NR2F1-AS1: variants seen among roughly 807,000 people sequenced by gnomAD.
NR2F1-AS1 encodes the protein NR2F1 regulatory antisense RNA 1, also known as NR2F1 antisense RNA 1.
intron 4 of NR2F1-AS1, among the ~76,000 whole-genome samples, chr5:93,512,951 A>G (rs760702577): frequency 1.7e-4 from 26 of 152,186 alleles, no homozygotes; most frequent in Non-Finnish European, 2.4e-4. Flanking sequence ...CCCATCTTTG[A>G]GCAACACATG....
chr5:93,566,753 T>C (rs528815487), intron 1 of NR2F1-AS1, among the ~76,000 whole-genome samples: 3 of 152,112 alleles, frequency 2.0e-5, no homozygotes, highest in African/African-American at 7.2e-5. Context: ...TAACATATTG[T>C]AAGGAAATAA....
intron 4 of NR2F1-AS1, among the ~76,000 whole-genome samples, chr5:93,456,214 C>G (rs1443927535): frequency 6.6e-6 from 1 of 152,084 alleles, no homozygotes; most frequent in East Asian, 1.9e-4. Flanking sequence ...AAACAACAAC[C>G]TACCAAACTA....
At chr5:93,494,038 A>G (rs1024993018) in intron 4 of NR2F1-AS1, among the ~76,000 whole-genome samples, 3 of 152,188 alleles carry the variant, frequency 2.0e-5, no homozygotes, top group African/African-American at 7.2e-5. Flanking sequence ...AAAGGATATT[A>G]CAGAATGGGA....
chr5:93,444,910 T>C (rs1402611714), intron 4 of NR2F1-AS1, among the ~76,000 whole-genome samples: 2 of 152,102 alleles, frequency 1.3e-5, no homozygotes. Flanking sequence ...TCAAAACTGC[T>C]CAACTACATG....
chr5:93,530,395 T>A (rs1393531248), intron 4 of NR2F1-AS1, among the ~76,000 whole-genome samples: 1 of 152,186 alleles, frequency 6.6e-6, no homozygotes, highest in Non-Finnish European at 1.5e-5. Context: ...ATTCTAGCCA[T>A]GGCTCTTAAG....
At chr5:93,571,112 G>C (rs1391142429) in intron 1 of NR2F1-AS1, 1 of 152,212 alleles carries the variant, frequency 6.6e-6, no homozygotes, top group African/African-American at 2.4e-5. Flanking sequence ...ACCGAGGGCC[G>C]CGCTGATCTC....
intron 1 of NR2F1-AS1, among the ~76,000 whole-genome samples, chr5:93,572,436 C>G (rs1752792831): frequency 6.6e-6 from 1 of 152,232 alleles, no homozygotes; most frequent in African/African-American, 2.4e-5. Flanking sequence ...AGCGACATGC[C>G]CCCGGCTCCG....
intron 4 of NR2F1-AS1, among the ~76,000 whole-genome samples, chr5:93,551,215 A>C (rs1752220602): frequency 6.6e-6 from 1 of 152,022 alleles, no homozygotes; most frequent in Admixed American, 6.6e-5. Flanking sequence ...TCCCCATTTT[A>C]TTTGAATTAT....
chr5:93,455,328 G>A (rs1204948943), intron 4 of NR2F1-AS1, among the ~76,000 whole-genome samples: 1 of 152,160 alleles, frequency 6.6e-6, no homozygotes, highest in East Asian at 1.9e-4. Flanking sequence ...AAAGTTGTAT[G>A]ATATTATGTA....
intron 4 of NR2F1-AS1, among the ~76,000 whole-genome samples, chr5:93,448,293 A>C (rs2149856199): frequency 6.6e-6 from 1 of 152,320 alleles, no homozygotes; most frequent in South Asian, 2.1e-4. Context: ...AAACCCAATA[A>C]GCTTTCCTGC....
chr5:93,430,019 T>C (rs1366851303), intron 4 of NR2F1-AS1, among the ~76,000 whole-genome samples: 2 of 152,260 alleles, frequency 1.3e-5, no homozygotes, highest in South Asian at 2.1e-4. Flanking sequence ...CTTTTCTGTT[T>C]TGACAATCTA....
chr5:93,550,873 CTT>C (rs1752211114), intron 4 of NR2F1-AS1, among the ~76,000 whole-genome samples: 1 of 151,916 alleles, frequency 6.6e-6, no homozygotes, highest in African/African-American at 2.4e-5. Context: ...TCATAATTCA[CTT>C]TGATAATGTC....
chr5:93,559,420 A>G (rs1446554609), intron 2 of NR2F1-AS1, among the ~76,000 whole-genome samples: 3 of 152,148 alleles, frequency 2.0e-5, no homozygotes, highest in African/African-American at 7.2e-5. Flanking sequence ...CAATTTCTCT[A>G]CAATAAGACT....
chr5:93,416,612 C>G (rs1228166013), intron 4 of NR2F1-AS1, among the ~76,000 whole-genome samples: 1 of 152,126 alleles, frequency 6.6e-6, no homozygotes, highest in Non-Finnish European at 1.5e-5. Flanking sequence ...ATTTAGTCCT[C>G]AAAACAGTCC....
chr5:93,471,312 C>G (rs1443617746), intron 4 of NR2F1-AS1, among the ~76,000 whole-genome samples: 3 of 151,852 alleles, frequency 2.0e-5, no homozygotes, highest in Non-Finnish European at 4.4e-5. Context: ...AATGTTCATT[C>G]TCTCTGACCA....
rs557113549 is a variant in NR2F1-AS1, at chr5:93,486,322, T to A, written n.638+67439A>T. Reference sequence around the variant, plus strand: ...AGTGAATCCAGGAGCTGTTTTTTTTTAAATATCAACAAAACAGACTGCTAG... The same window carrying A: ...AGTGAATCCAGGAGCTGTTTTTTTTAAAATATCAACAAAACAGACTGCTAG... On this transcript the variant is annotated intron_variant and non_coding_transcript_variant, in intron 4 of 5. Coordinates refer to ENST00000660523, the Ensembl canonical transcript of NR2F1-AS1. Among the ~76,000 whole-genome samples the A allele has an allele frequency of 3.5e-3, 536 of 152,062 alleles. 1 individual carries two copies. The highest frequency in any genetic ancestry group is 0.012 in the African/African-American group (487 of 41,500).
intron 1 of NR2F1-AS1, chr5:93,570,554 T>G (rs1387434006): frequency 2.6e-5 from 4 of 152,264 alleles, no homozygotes; most frequent in Non-Finnish European, 4.4e-5. Flanking sequence ...GGGCGCCAAC[T>G]GCCCGCGCGG....
chr5:93,416,610 CT>C (rs1256431601), intron 4 of NR2F1-AS1, among the ~76,000 whole-genome samples: 3 of 152,072 alleles, frequency 2.0e-5, no homozygotes, highest in African/African-American at 4.8e-5. Flanking sequence ...TCATTTAGTC[CT>C]CAAAACAGTC....
intron 2 of NR2F1-AS1, among the ~76,000 whole-genome samples, chr5:93,561,682 AG>A (rs1291781021): frequency 6.6e-6 from 1 of 152,148 alleles, no homozygotes; most frequent in Non-Finnish European, 1.5e-5. Context: ...CTGAGGCGGA[AG>A]GATCACTTGA....
Sources: gnomAD v4.1 joint callset for allele counts (sites outside exome capture counted in the v4.1 genomes callset) on GRCh38, gnomAD v4.1.1 for gene constraint, MANE v1.5 for transcripts, NCBI Gene and HGNC (gene_info 2026-07-23, HGNC 2026-07-21) for gene names.